The following COLGALT2 variants were observed in gnomAD, a reference collection of about 807,000 sequenced individuals.
COLGALT2 encodes the protein collagen beta(1-O)galactosyltransferase 2, also known as procollagen galactosyltransferase 2.
Under a neutral mutation model 73.4 loss-of-function variants are expected in COLGALT2, and 49 were observed. That is an observed-to-expected ratio of 0.67 (90% CI 0.53 to 0.85). COLGALT2 has a LOEUF of 0.85. COLGALT2 is among the 40% of genes least tolerant of loss of function. The probability of loss-of-function intolerance (pLI) is 0.00; values close to 1 mark genes in which losing one functional copy is unlikely to be tolerated. For synonymous variants in COLGALT2, 295 were observed against 307.6 expected, an observed-to-expected ratio of 0.96 and a Z score of 0.43; for missense variants, 722 against 790.2, an observed-to-expected ratio of 0.91 and a Z score of 1.03.
chr1:183,976,313 A>G (rs2182626), intron 2 of COLGALT2, among the ~76,000 whole-genome samples: 94,876 of 150,110 alleles, frequency 0.63, 31,882 homozygotes, highest in Non-Finnish European at 0.77. Flanking sequence ...CTTGATATAC[A>G]GTCCATGGGC....
intron 9 of COLGALT2, among the ~76,000 whole-genome samples, chr1:183,944,718 G>A (rs1670204984): frequency 6.6e-6 from 1 of 152,202 alleles, no homozygotes; most frequent in African/African-American, 2.4e-5. Context: ...CTGGTTACCT[G>A]CTTCTGGATC....
Position 183,969,352 on chromosome 1 carries a change from T to C in COLGALT2, c.749A>G (p.Lys250Arg). 1 of 1,613,898 alleles carries C rather than the reference T, an allele frequency of 6.2e-7. No individual in the cohort carries two copies. The highest frequency in any genetic ancestry group is 1.7e-5 in the Admixed American group (1 of 59,994). Residue 250 changes from lysine to arginine, a missense_variant, in exon 5 of 12, where the codon AAG (lysine) becomes AGG (arginine). Lys to Arg is a conservative substitution (Grantham distance 26, BLOSUM62 2). Transcript: ENST00000361927. The part of the protein sequence containing the change: ...LIDLRKEASD[K>R]LTFYPPHQDY... Reference sequence around the variant, plus strand: ...CTGGTGTGGGGGGTAGAAAGTCAGCTTGTCCGAGGCCTCCTTCCTGAGGTC... The same window carrying C: ...CTGGTGTGGGGGGTAGAAAGTCAGCCTGTCCGAGGCCTCCTTCCTGAGGTC...
At chr1:183,950,945 T>A (rs1372721021) in intron 8 of COLGALT2, 62 bp downstream of exon 8, 3 of 1,245,284 alleles carry the variant, frequency 2.4e-6, no homozygotes, top group African/African-American at 1.5e-5. Context: ...ACTAACTCTC[T>A]GTCAGAGAAG....
At chr1:184,028,996 G>T (rs1026439989) in intron 1 of COLGALT2, among the ~76,000 whole-genome samples, 22 of 152,322 alleles carry the variant, frequency 1.4e-4, no homozygotes, top group African/African-American at 5.3e-4. Context: ...CTAGCAAGAT[G>T]TCATGGAGCT....
At chr1:183,964,117 T>C in intron 5 of COLGALT2, 97 bp from the exon 6 acceptor site, 3 of 1,318,282 alleles carry the variant, frequency 2.3e-6, no homozygotes, top group South Asian at 1.5e-5. Context: ...GATGCTGAGT[T>C]TGACACTGCA....
intron 8 of COLGALT2, among the ~76,000 whole-genome samples, chr1:183,947,499 C>A (rs1484533173): frequency 6.6e-6 from 1 of 152,098 alleles, no homozygotes; most frequent in Non-Finnish European, 1.5e-5. Flanking sequence ...ACAATACACT[C>A]CTAACCAATG....
At chr1:183,935,805 T>G (rs951962156), downstream of COLGALT2, 28 of 972,420 alleles carry the variant, frequency 2.9e-5, no homozygotes, top group Non-Finnish European at 3.2e-5. Flanking sequence ...CATTGATCAG[T>G]GCCTGCGGAA....
intron 1 of COLGALT2, among the ~76,000 whole-genome samples, chr1:183,983,719 C>A (rs1169089197): frequency 6.6e-6 from 1 of 152,198 alleles, no homozygotes; most frequent in Admixed American, 6.5e-5. Flanking sequence ...ATGTGTGAGG[C>A]CCCTCAGGAG....
chr1:183,944,696 G>T (rs1670204271), intron 9 of COLGALT2, among the ~76,000 whole-genome samples: 1 of 152,146 alleles, frequency 6.6e-6, no homozygotes, highest in African/African-American at 2.4e-5. Flanking sequence ...GTGGGGGGGT[G>T]CTTGTGGGAT....
At position 183,975,147 on chromosome 1, in the gene COLGALT2, G is replaced by A. The variant is rs777832387; in HGVS notation, c.442C>T (p.Arg148Ter). ...TSRFAHVMKL[R>*]QAALRTAREK... is the part of the protein sequence containing the mutation. ...CTCGCAGTTCGAAGGGCTGCCTGTC[G>A]TAGTTTCATCACATGGGCAAACCGG... is the stretch of plus-strand genomic sequence containing the variant. Residue 148 changes from arginine (R) to a stop codon, truncating the protein, a stop_gained, in exon 3 of 12, where the codon CGA (arginine) becomes TGA (stop). Coordinates refer to ENST00000361927, the MANE Select transcript of COLGALT2 (RefSeq NM_015101.4). LOFTEE classifies it high-confidence loss of function. The A allele has an allele frequency of 8.7e-6, 14 of 1,613,926 alleles. No individual in the cohort carries two copies. Among genetic ancestry groups the A allele is most frequent in the African/African-American group, 2.7e-5 (2 of 74,892 alleles).
intron 2 of COLGALT2, among the ~76,000 whole-genome samples, chr1:183,977,841 G>GAGAA (rs59618716): frequency 3.4e-4 from 46 of 134,152 alleles, no homozygotes; most frequent in African/African-American, 1.4e-3. Context: ...AGAGAAAGAA[G>GAGAA]AGAAGAGAAG....
intron 1 of COLGALT2, among the ~76,000 whole-genome samples, chr1:184,035,446 A>G (rs2102865619): frequency 6.6e-6 from 1 of 152,334 alleles, no homozygotes; most frequent in East Asian, 1.9e-4. Context: ...CCTTGGGTTC[A>G]AATTCCAGTT....
At position 184,008,001 on chromosome 1, in the gene COLGALT2, A is replaced by G. The variant is rs186362497; in HGVS notation, c.263+29094T>C. ...AATGCTTCCTGCTAACTAAGAACTAAAAGTCTAATGGGAAAAATTACTTAT... is the reference window on the plus strand; with the variant it reads ...AATGCTTCCTGCTAACTAAGAACTAGAAGTCTAATGGGAAAAATTACTTAT... On this transcript the variant is annotated intron_variant, in intron 1 of 11. Transcript: ENST00000361927. Among the ~76,000 whole-genome samples, 135 of 152,358 alleles carry G rather than the reference A, an allele frequency of 8.9e-4. 2 individuals carry two copies. The highest frequency in any genetic ancestry group is 1.6e-4 in the Non-Finnish European group (11 of 68,034).
intron 1 of COLGALT2, among the ~76,000 whole-genome samples, chr1:183,993,630 G>A (rs1253128712): frequency 3.3e-5 from 5 of 152,116 alleles, no homozygotes; most frequent in African/African-American, 4.8e-5. Context: ...CCCAGCCCCA[G>A]GTCAGGCCAT....
chr1:184,033,450 C>T (rs1160049353), intron 1 of COLGALT2, among the ~76,000 whole-genome samples: 1 of 152,168 alleles, frequency 6.6e-6, no homozygotes, highest in East Asian at 1.9e-4. Flanking sequence ...TTCCTTAGGT[C>T]CTTATCACAG....
chr1:184,018,003 A>C (rs569186176), intron 1 of COLGALT2, among the ~76,000 whole-genome samples: 28 of 152,338 alleles, frequency 1.8e-4, no homozygotes, highest in Admixed American at 7.2e-4. Context: ...ATTAAGCAAA[A>C]GATGTTATAA....
intron 1 of COLGALT2, among the ~76,000 whole-genome samples, chr1:183,984,118 C>T (rs1671424840): frequency 6.6e-6 from 1 of 152,190 alleles, no homozygotes; most frequent in South Asian, 2.1e-4. Context: ...GGATAAGACA[C>T]CAAGGAAAGG....
At chr1:183,932,048 T>A (rs1302535822), downstream of COLGALT2, among the ~76,000 whole-genome samples, 3 of 152,142 alleles carry the variant, frequency 2.0e-5, no homozygotes, top group Non-Finnish European at 2.9e-5. Context: ...ATATGAGGTT[T>A]CACAGGGGAG....
In COLGALT2 at chr1:183,937,681, A is replaced by T; in HGVS notation, c.*1080T>A. 1 of 984,480 alleles carries T rather than the reference A, an allele frequency of 1.0e-6. No homozygotes were observed. Among genetic ancestry groups the T allele is most frequent in the Non-Finnish European group, 1.2e-6 (1 of 829,748 alleles). 61.0% of individuals were successfully genotyped at this position (984,480 alleles called of 1,614,324 possible). A position where few individuals can be genotyped will look rare whatever the true frequency, so the allele number is the denominator to read the frequency against. ...CCGAACCAATGTGTCCACACCCACC[A>T]CTCCCCCGGGTGCCGTGGAAGTCTG... is the stretch of plus-strand genomic sequence containing the variant. On this transcript the variant is annotated 3_prime_UTR_variant, in exon 12 of 12. Coordinates refer to ENST00000361927, the MANE Select transcript of COLGALT2 (RefSeq NM_015101.4).
Sources: allele counts gnomAD v4.1 joint callset (sites outside exome capture counted in the v4.1 genomes callset), GRCh38; gene constraint gnomAD v4.1.1; transcripts MANE v1.5; gene names NCBI Gene and HGNC (gene_info 2026-07-23, HGNC 2026-07-21).